The following PLPPR5 variants were observed in gnomAD, a reference collection of about 807,000 sequenced individuals.
PLPPR5 encodes phospholipid phosphatase-related protein type 5.
A neutral mutation model predicts 33.9 loss-of-function variants in PLPPR5; 16 were observed. The ratio of observed to expected loss-of-function variants is 0.47; its 90% CI spans 0.32 to 0.72. The LOEUF is 0.72. Ranked by LOEUF, PLPPR5 falls within the 30% of genes least tolerant of loss-of-function variation. PLPPR5 has a pLI of 0.03. For missense variants in PLPPR5, 301 were observed against 406.7 expected (o/e 0.74, Z 2.23); for synonymous variants, 163 against 150.3 (o/e 1.08, Z -0.62).
intron 1 of PLPPR5, among the ~76,000 whole-genome samples, chr1:99,002,531 A>G (rs1652888773): frequency 6.6e-6 from 1 of 152,124 alleles, no homozygotes; most frequent in African/African-American, 2.4e-5. Context: ...ATTGGAGATA[A>G]TATCTCCTGA....
intron 1 of PLPPR5, among the ~76,000 whole-genome samples, chr1:98,977,369 AAAAC>A (rs1260915456): frequency 1.3e-5 from 2 of 151,848 alleles, no homozygotes; most frequent in African/African-American, 4.8e-5. Context: ...TGTAATAACT[AAAAC>A]AAACAGATCA....
In PLPPR5 at chr1:98,914,812, G is replaced by T. The variant is rs759445624; in HGVS notation, c.907C>A (p.Pro303Thr). Residue 303 changes from proline (P) to threonine (T), a missense_variant, in exon 5 of 6, where the codon CCT becomes ACT. Pro to Thr is a conservative substitution (Grantham distance 38, BLOSUM62 -1). Coordinates refer to ENST00000263177, the MANE Select transcript of PLPPR5 (RefSeq NM_001037317.2). ...PMISIPRVES[P>T]LEKVTSVQNH... is the part of the protein sequence containing the mutation. The stretch of plus-strand genomic sequence containing the variant: ...TGTACAGATGTTACCTTTTCCAAAG[G>T]ACTTTCTACTCGAGGAATGCTGATC... The T allele has an allele frequency of 5.0e-6, 8 of 1,612,710 alleles. No homozygotes were observed. Among genetic ancestry groups the T allele is most frequent in the Non-Finnish European group, 5.9e-6 (7 of 1,179,492 alleles).
Position 98,914,796 on chromosome 1 carries a change from G to C in PLPPR5, c.923C>G (p.Thr308Arg). Residue 308 changes from threonine (T) to arginine (R), a missense_variant, in exon 5 of 6, where the codon ACA (threonine) becomes AGA (arginine). Transcript: ENST00000263177. The stretch of plus-strand genomic sequence containing the variant: ...TAAATTGTGAGTCACCTGTACAGAT[G>C]TTACCTTTTCCAAAGGACTTTCTAC... ...PRVESPLEKV[T>R]SVQNHITAFA... 6.2e-7 allele frequency: 1 copy of C among 1,612,384 alleles called. No individual in the cohort carries two copies. Among genetic ancestry groups the C allele is most frequent in the Non-Finnish European group, 8.5e-7 (1 of 1,179,304 alleles).
At position 98,936,064 on chromosome 1, in the gene PLPPR5, T is replaced by C. The variant is rs757484968; in HGVS notation, c.622-14006A>G. On this transcript the variant is annotated intron_variant, in intron 3 of 5. Transcript: ENST00000263177. ...GGATTCAGATCCTGTCTCCAGCATATACCAGCTGTGTGACTGTGGGCAAGT... is the reference window on the plus strand; with the variant it reads ...GGATTCAGATCCTGTCTCCAGCATACACCAGCTGTGTGACTGTGGGCAAGT... 1.0e-3 allele frequency among the ~76,000 whole-genome samples: 158 copies of C among 152,162 alleles called. 3 individuals carry two copies. Among genetic ancestry groups the C allele is most frequent in the Non-Finnish European group, 1.1e-3 (74 of 68,030 alleles).
chr1:98,900,280 G>A (rs979234600), intron 5 of PLPPR5, among the ~76,000 whole-genome samples: 5 of 151,942 alleles, frequency 3.3e-5, no homozygotes, highest in African/African-American at 1.2e-4. Context: ...AAACAAAACC[G>A]TTGCGTGAGC....
chr1:98,938,669 C>T (rs1431750631), intron 3 of PLPPR5, among the ~76,000 whole-genome samples: 1 of 151,816 alleles, frequency 6.6e-6, no homozygotes, highest in Non-Finnish European at 1.5e-5. Context: ...CAACTATGGG[C>T]TCATAAAAGA....
intron 5 of PLPPR5, among the ~76,000 whole-genome samples, chr1:98,904,556 C>G (rs774289537): frequency 6.6e-6 from 1 of 151,780 alleles, no homozygotes; most frequent in Non-Finnish European, 1.5e-5. Context: ...AAGCCTTTTT[C>G]TCTATATTTT....
intron 1 of PLPPR5, among the ~76,000 whole-genome samples, chr1:98,981,781 G>A (rs1652071610): frequency 6.6e-6 from 1 of 152,042 alleles, no homozygotes; most frequent in South Asian, 2.1e-4. Flanking sequence ...GAACCCATAT[G>A]ATAAGGGGAG....
intron 3 of PLPPR5, among the ~76,000 whole-genome samples, chr1:98,929,587 T>C (rs753114709): frequency 6.6e-5 from 10 of 152,194 alleles, no homozygotes; most frequent in Non-Finnish European, 1.2e-4. Flanking sequence ...GTACATGAAG[T>C]TAAGATCTGA....
rs755759749 is a variant in PLPPR5 at position 98,922,005 on chromosome 1, A to C, written c.675T>G (p.Val225=). The C allele has an allele frequency of 6.8e-6, 11 of 1,613,696 alleles. No individual in the cohort carries two copies. In the African/African-American group the frequency reaches 1.5e-4, roughly 22 times the overall value. The change falls in exon 4 of 6, where the codon GTT becomes GTG. Residue 225 remains valine (V), a synonymous_variant. Transcript: ENST00000263177. ...KAKGTRLAKP[V]LCLGLMCLAF... is the part of the protein sequence containing the mutation. ...CCAAACACATTAAGCCCAAGCATAG[A>C]ACTGGCTTAGCAAGTCTGGTTCCCT... is the stretch of plus-strand genomic sequence containing the variant.
chr1:98,921,335 A>G (rs1420769446), intron 4 of PLPPR5, among the ~76,000 whole-genome samples: 2 of 152,124 alleles, frequency 1.3e-5, no homozygotes. Flanking sequence ...TTACTGATGT[A>G]AAATGCCTCA....
At chr1:98,897,440 T>G (rs1404589974) in intron 5 of PLPPR5, among the ~76,000 whole-genome samples, 2 of 152,224 alleles carry the variant, frequency 1.3e-5, no homozygotes, top group Non-Finnish European at 2.9e-5. Flanking sequence ...AACATTGTCT[T>G]AATTTATTCA....
intron 5 of PLPPR5, among the ~76,000 whole-genome samples, chr1:98,905,875 A>C (rs1648877311): frequency 1.3e-5 from 2 of 152,088 alleles, no homozygotes; most frequent in South Asian, 4.1e-4. Context: ...TTAATACTTA[A>C]ATGACCTTTT....
chr1:98,912,345 G>C (rs1649182402), intron 5 of PLPPR5, among the ~76,000 whole-genome samples: 1 of 152,176 alleles, frequency 6.6e-6, no homozygotes, highest in Non-Finnish European at 1.5e-5. Context: ...CAATGGCTTA[G>C]AGGAGAAAGT....
chr1:99,005,401 G>C (rs12740173), upstream of PLPPR5, among the ~76,000 whole-genome samples: 2 of 152,128 alleles, frequency 1.3e-5, no homozygotes, highest in African/African-American at 4.8e-5. Flanking sequence ...GCCTGGCGGT[G>C]GTTTCTAGGC....
At chr1:98,922,972 G>A (rs984208264) in intron 3 of PLPPR5, among the ~76,000 whole-genome samples, 6 of 150,052 alleles carry the variant, frequency 4.0e-5, no homozygotes, top group Admixed American at 1.3e-4. Context: ...GTGACAGAGC[G>A]AGACTCTGTC....
intron 3 of PLPPR5, among the ~76,000 whole-genome samples, chr1:98,930,701 G>A (rs751655958): frequency 2.6e-5 from 4 of 152,074 alleles, no homozygotes; most frequent in African/African-American, 7.2e-5. Flanking sequence ...TGCTTATAAC[G>A]TATTTCTGAC....
chr1:98,938,433 A>T (rs1031434319), intron 3 of PLPPR5, among the ~76,000 whole-genome samples: 2 of 149,666 alleles, frequency 1.3e-5, no homozygotes, highest in Admixed American at 6.7e-5. Context: ...AAAAAAAAAA[A>T]AAAAGTATAG....
Position 98,893,618 on chromosome 1 carries a change from C to CTTTTTTTTTT in PLPPR5, c.934-524_934-515dup, listed in dbSNP as rs58092144. Among the ~76,000 whole-genome samples, 324 of 90,046 alleles carry CTTTTTTTTTT rather than the reference C, an allele frequency of 3.6e-3. 6 individuals carry two copies. Among genetic ancestry groups the CTTTTTTTTTT allele is most frequent in the African/African-American group, 0.013 (309 of 24,490 alleles). 59.1% of individuals were successfully genotyped at this position (90,046 alleles called of 152,430 possible). A position where few individuals can be genotyped will look rare whatever the true frequency, so the allele number is the denominator to read the frequency against. On this transcript the variant is annotated intron_variant, in intron 5 of 5. Transcript: ENST00000263177. Reference sequence around the variant, plus strand: ...TCTACCACAGAATTCTTCACAGCGCCTTTTTTTTTTTTTTTTTTTTTTGGG... The same window carrying CTTTTTTTTTT: ...TCTACCACAGAATTCTTCACAGCGCCTTTTTTTTTTTTTTTTTTTTTTTTTTTTTTTTGGG...
Sources: allele counts gnomAD v4.1 joint callset (sites outside exome capture counted in the v4.1 genomes callset), GRCh38; gene constraint gnomAD v4.1.1; transcripts MANE v1.5; gene names NCBI Gene and HGNC (gene_info 2026-07-23, HGNC 2026-07-21).